C10orf90: variants seen among roughly 807,000 people sequenced by gnomAD.
C10orf90 encodes the protein (E2-independent) E3 ubiquitin-conjugating enzyme FATS.
In C10orf90, 56 loss-of-function variants were observed where a neutral mutation model predicts 62.5. The observed-to-expected ratio is 0.90, with a 90% CI of 0.72 to 1.12. C10orf90 has a LOEUF of 1.12. Among genes scored for constraint, C10orf90 ranks in the 50% most tolerant of loss-of-function variants. The probability of loss-of-function intolerance (pLI) is 0.00; values close to 1 mark genes in which losing one functional copy is unlikely to be tolerated. For missense variants in C10orf90, 970 were observed against 880.4 expected, an observed-to-expected ratio of 1.10 and a Z score of -1.29; for synonymous variants, 386 against 340.4, an observed-to-expected ratio of 1.13 and a Z score of -1.47.
intron 4 of C10orf90, among the ~76,000 whole-genome samples, chr10:126,482,649 C>T (rs973661914): frequency 6.6e-6 from 1 of 152,144 alleles, no homozygotes; most frequent in African/African-American, 2.4e-5. Flanking sequence ...TATGACTTTT[C>T]CCTGGATTAA....
At chr10:126,481,940 G>A (rs1028907726) in intron 4 of C10orf90, among the ~76,000 whole-genome samples, 1 of 152,126 alleles carries the variant, frequency 6.6e-6, no homozygotes, top group African/African-American at 2.4e-5. Context: ...ATTCCAGAGG[G>A]GTTCTTACCC....
At chr10:126,662,213 A>G in intron 1 of C10orf90, among the ~76,000 whole-genome samples, 1 of 152,112 alleles carries the variant, frequency 6.6e-6, no homozygotes, top group East Asian at 1.9e-4. Context: ...TACTGAGGCT[A>G]GTTTAGCCGC....
At chr10:126,441,655 A>G (rs1165143808) in intron 7 of C10orf90, among the ~76,000 whole-genome samples, 1 of 152,208 alleles carries the variant, frequency 6.6e-6, no homozygotes, top group Non-Finnish European at 1.5e-5. Context: ...TAAGTTATAA[A>G]GGAAAATTTA....
intron 2 of C10orf90, among the ~76,000 whole-genome samples, chr10:126,521,898 C>T (rs899936721): frequency 6.6e-6 from 1 of 152,142 alleles, no homozygotes; most frequent in African/African-American, 2.4e-5. Flanking sequence ...AGTTTAAAAA[C>T]AGTAAAACTG....
chr10:126,573,546 T>G (rs1844551341), intron 2 of C10orf90, among the ~76,000 whole-genome samples: 1 of 152,216 alleles, frequency 6.6e-6, no homozygotes, highest in African/African-American at 2.4e-5. Context: ...CCTCGGGGTC[T>G]GGATCAGGAC....
Position 126,554,214 on chromosome 10 carries a change from C to T in C10orf90, c.314-40275G>A, listed in dbSNP as rs1467493953. 3.3e-5 allele frequency among the ~76,000 whole-genome samples: 5 copies of T among 152,208 alleles called. No homozygotes were observed. The East Asian group carries it at 9.7e-4, about 30-fold the overall frequency. On this transcript the variant is annotated intron_variant, in intron 2 of 9. Transcript: ENST00000488181. ...TGATAAATAATACTTGGCATAGAAA[C>T]ACACTAGAACATGGGTGAATCTGAG...
At chr10:126,489,964 G>A (rs1861629321) in intron 4 of C10orf90, among the ~76,000 whole-genome samples, 1 of 122,512 alleles carries the variant, frequency 8.2e-6, no homozygotes, top group African/African-American at 3.1e-5. Flanking sequence ...CTGTGTGTGT[G>A]TATATATACA....
intron 4 of C10orf90, among the ~76,000 whole-genome samples, chr10:126,478,279 G>A (rs985132676): frequency 1.3e-5 from 2 of 152,298 alleles, no homozygotes; most frequent in South Asian, 2.1e-4. Context: ...AGTGGGTGAC[G>A]ATGCACAGGT....
chr10:126,521,269 T>C (rs1173654074), intron 2 of C10orf90: 3 of 1,610,784 alleles, frequency 1.9e-6, no homozygotes, highest in South Asian at 1.1e-5. Flanking sequence ...TTAATAAGGG[T>C]TATATCTGTG....
chr10:126,565,356 A>ATTATTTTATATAATAATATATATT lies in C10orf90; in HGVS notation c.314-51418_314-51417insAATATATATTATTATATAAAATAA, dbSNP rs1259387329. On this transcript the variant is annotated intron_variant, in intron 2 of 9. Coordinates refer to ENST00000488181, the MANE Select transcript of C10orf90 (RefSeq NM_001350921.2). Reference sequence around the variant, plus strand: ...ATATTATATATAATATATAATATATAATATATATTATTTTATATAATAATA... The same window carrying ATTATTTTATATAATAATATATATT: ...ATATTATATATAATATATAATATATATTATTTTATATAATAATATATATTATATATATTATTTTATATAATAATA... 1.7e-3 allele frequency among the ~76,000 whole-genome samples: 84 copies of ATTATTTTATATAATAATATATATT among 48,506 alleles called. 1 individual carries two copies. Among genetic ancestry groups the ATTATTTTATATAATAATATATATT allele is most frequent in the African/African-American group, 6.4e-3 (80 of 12,566 alleles). 31.8% of individuals were successfully genotyped at this position (48,506 alleles called of 152,430 possible).
intron 7 of C10orf90, among the ~76,000 whole-genome samples, chr10:126,448,017 CTTTTTTT>C (rs1186409126): frequency 8.8e-5 from 7 of 79,216 alleles, no homozygotes; most frequent in East Asian, 4.1e-4. Flanking sequence ...ATGCCTGGCT[CTTTTTTT>C]TTTTTTTTTT....
At chr10:126,555,576 G>C (rs1467214011) in intron 2 of C10orf90, among the ~76,000 whole-genome samples, 2 of 151,948 alleles carry the variant, frequency 1.3e-5, no homozygotes, top group Non-Finnish European at 2.9e-5. Flanking sequence ...CTACTCGGGA[G>C]GCTGAGGCAG....
chr10:126,503,878 G>T, intron 4 of C10orf90, 79 bp downstream of exon 4: 2 of 1,499,982 alleles, frequency 1.3e-6, no homozygotes, highest in East Asian at 2.3e-5. Context: ...AATAAGTTTT[G>T]TATAAGAAAT....
chr10:126,644,443 G>A (rs924974943), intron 2 of C10orf90, among the ~76,000 whole-genome samples: 4 of 152,196 alleles, frequency 2.6e-5, no homozygotes, highest in Admixed American at 6.5e-5. Context: ...GCTGGGAAGC[G>A]TGAAACCCAT....
At chr10:126,454,574 C>T (rs1046425701) in intron 7 of C10orf90, among the ~76,000 whole-genome samples, 5 of 151,642 alleles carry the variant, frequency 3.3e-5, no homozygotes, top group East Asian at 3.9e-4. Flanking sequence ...CTACTGCCTG[C>T]AGAGACTGTG....
intron 2 of C10orf90, among the ~76,000 whole-genome samples, chr10:126,594,572 G>A (rs534645096): frequency 6.6e-6 from 1 of 152,230 alleles, no homozygotes; most frequent in African/African-American, 2.4e-5. Flanking sequence ...TCAGACAGAA[G>A]GATTGAATAA....
intron 2 of C10orf90, among the ~76,000 whole-genome samples, chr10:126,597,107 G>A (rs937869490): frequency 1.3e-5 from 2 of 152,226 alleles, no homozygotes; most frequent in Non-Finnish European, 2.9e-5. Context: ...TGTTGGGAAT[G>A]TGAAGTAATA....
At chr10:126,585,598 A>G (rs1844854505) in intron 2 of C10orf90, among the ~76,000 whole-genome samples, 1 of 151,984 alleles carries the variant, frequency 6.6e-6, no homozygotes, top group South Asian at 2.1e-4. Flanking sequence ...TAAAGGAAAG[A>G]AGGATGGATG....
At chr10:126,501,868 G>A (rs554333087) in intron 4 of C10orf90, among the ~76,000 whole-genome samples, 73 of 151,746 alleles carry the variant, frequency 4.8e-4, no homozygotes, top group African/African-American at 1.5e-3. Flanking sequence ...CTATGAGTAC[G>A]CAAAGGCATA....
Sources: allele counts gnomAD v4.1 joint callset (sites outside exome capture counted in the v4.1 genomes callset), GRCh38; gene constraint gnomAD v4.1.1; transcripts MANE v1.5; gene names NCBI Gene and HGNC (gene_info 2026-07-23, HGNC 2026-07-21).